Variants in RBFOX1 observed in about 807,000 individuals in gnomAD.
The protein encoded by RBFOX1 is RNA binding fox-1 homolog 1.
In RBFOX1, 8 loss-of-function variants were observed where a neutral mutation model predicts 57.7. That is an observed-to-expected ratio of 0.14 (90% confidence interval 0.08 to 0.25). The LOEUF (loss-of-function observed/expected upper bound fraction) is 0.25, where lower values mean the gene tolerates loss of function less well. RBFOX1 is among the 10% of genes least tolerant of loss of function. The pLI, the probability that RBFOX1 is intolerant of heterozygous loss-of-function variation, is 1.00. For synonymous variants in RBFOX1, 326 were observed against 222.4 expected (o/e 1.47, Z -4.15); for missense variants, 611 against 548.5 (o/e 1.11, Z -1.14).
intron 4 of RBFOX1, among the ~76,000 whole-genome samples, chr16:5,888,350 A>C (rs1036728524): frequency 4.6e-5 from 7 of 151,958 alleles, no homozygotes; most frequent in African/African-American, 1.7e-4. Context: ...TTTCTTAATG[A>C]CTTATCACAA....
At chr16:6,425,973 G>C (rs977898159) in intron 2 of RBFOX1, among the ~76,000 whole-genome samples, 1 of 151,912 alleles carries the variant, frequency 6.6e-6, no homozygotes, top group Non-Finnish European at 1.5e-5. Flanking sequence ...CCAGCCCCTG[G>C]CTACCACTAG....
At chr16:7,405,574 A>T (rs1938818592) in intron 4 of RBFOX1, among the ~76,000 whole-genome samples, 2 of 152,126 alleles carry the variant, frequency 1.3e-5, no homozygotes, top group African/African-American at 4.8e-5. Context: ...CTCATGCCTC[A>T]CATTTCAAAT....
At chr16:6,898,168 A>T (rs1214205616) in intron 3 of RBFOX1, among the ~76,000 whole-genome samples, 3 of 152,184 alleles carry the variant, frequency 2.0e-5, no homozygotes, top group African/African-American at 7.2e-5. Context: ...TTGAGGTCGT[A>T]GCCAACGGCA....
chr16:6,577,131 A>T (rs2153966449), intron 2 of RBFOX1: 1 of 152,326 alleles, frequency 6.6e-6, no homozygotes, highest in South Asian at 2.1e-4. Flanking sequence ...GCTACATGTT[A>T]AAAACGGAGT....
chr16:7,128,818 C>CTTTTT (rs759893956), intron 4 of RBFOX1, among the ~76,000 whole-genome samples: 2 of 126,970 alleles, frequency 1.6e-5, no homozygotes, highest in African/African-American at 6.0e-5. Flanking sequence ...TTTCTTTTTA[C>CTTTTT]TTTTTTTTTT....
rs80065573 is a variant in RBFOX1, at chr16:6,691,621, G to A, written c.-16+36971G>A. 3.3e-5 allele frequency among the ~76,000 whole-genome samples: 5 copies of A among 152,150 alleles called. No individual in the cohort carries two copies. In the East Asian group the frequency reaches 9.6e-4, roughly 29 times the overall value. ...GGAAGAAAGAATGTGTGCCTCCACT[G>A]TTTAAGATGACCTTGGCTTACAAAC... On this transcript the variant is annotated intron_variant, in intron 3 of 15. Transcript: ENST00000550418.
chr16:7,077,390 T>C (rs771162753), intron 4 of RBFOX1, among the ~76,000 whole-genome samples: 1 of 152,168 alleles, frequency 6.6e-6, no homozygotes, highest in Non-Finnish European at 1.5e-5. Context: ...AAATGGGAAA[T>C]TCAGGTTAGT....
intron 4 of RBFOX1, among the ~76,000 whole-genome samples, chr16:7,315,254 A>T (rs191571306): frequency 6.6e-6 from 1 of 152,302 alleles, no homozygotes; most frequent in East Asian, 1.9e-4. Context: ...TATTTAGAAA[A>T]TTAGAATGAT....
At chr16:6,132,191 C>T (rs2152678497) in intron 1 of RBFOX1, among the ~76,000 whole-genome samples, 1 of 152,302 alleles carries the variant, frequency 6.6e-6, no homozygotes, top group South Asian at 2.1e-4. Flanking sequence ...TTTAAGATTT[C>T]ACGATCATGG....
chr16:6,690,260 A>G (rs1034747745), intron 3 of RBFOX1, among the ~76,000 whole-genome samples: 1 of 152,116 alleles, frequency 6.6e-6, no homozygotes, highest in Non-Finnish European at 1.5e-5. Context: ...ATTTTATCTT[A>G]TTGGAATACT....
chr16:7,697,962 G>C (rs1314386432), intron 14 of RBFOX1, among the ~76,000 whole-genome samples: 2 of 152,158 alleles, frequency 1.3e-5, no homozygotes, highest in Admixed American at 1.3e-4. Context: ...CCGTGTGCTG[G>C]GAGTACTGGT....
chr16:5,354,725 G>A (rs1293544833), intron 1 of RBFOX1, among the ~76,000 whole-genome samples: 4 of 152,182 alleles, frequency 2.6e-5, no homozygotes, highest in African/African-American at 9.7e-5. Flanking sequence ...CCTTCTGATA[G>A]GACAAACGTT....
chr16:5,754,222 G>A (rs917644385), intron 3 of RBFOX1, among the ~76,000 whole-genome samples: 21 of 152,172 alleles, frequency 1.4e-4, no homozygotes, highest in African/African-American at 4.6e-4. Flanking sequence ...ACTTCTCTAT[G>A]CCTCAAATGA....
At chr16:6,249,942 T>G (rs1485979773) in intron 1 of RBFOX1, among the ~76,000 whole-genome samples, 3 of 151,564 alleles carry the variant, frequency 2.0e-5, no homozygotes, top group Admixed American at 6.6e-5. Flanking sequence ...TACCCCACAA[T>G]AGGCCCACAT....
intron 3 of RBFOX1, among the ~76,000 whole-genome samples, chr16:6,841,162 T>C (rs1018673411): frequency 2.0e-5 from 3 of 152,188 alleles, no homozygotes; most frequent in African/African-American, 7.2e-5. Context: ...TATGGCATTT[T>C]GCTAGAAGCC....
chr16:5,636,607 A>C (rs1030468777), intron 3 of RBFOX1, among the ~76,000 whole-genome samples: 5 of 152,138 alleles, frequency 3.3e-5, no homozygotes, highest in African/African-American at 1.2e-4. Flanking sequence ...CTGGGCAGCT[A>C]CTGTGGCACA....
At chr16:5,972,480 G>T (rs971864657) in intron 4 of RBFOX1, among the ~76,000 whole-genome samples, 2 of 152,104 alleles carry the variant, frequency 1.3e-5, no homozygotes, top group African/African-American at 4.8e-5. Context: ...GTATTCCAGC[G>T]TCCTCTCTTA....
At chr16:6,335,383 G>C (rs767491222) in intron 2 of RBFOX1, among the ~76,000 whole-genome samples, 2 of 152,158 alleles carry the variant, frequency 1.3e-5, no homozygotes, top group African/African-American at 2.4e-5. Flanking sequence ...AGAGAGCCAG[G>C]AGAGGGAGGA....
At chr16:7,230,389 A>T (rs141349549) in intron 4 of RBFOX1, among the ~76,000 whole-genome samples, 1 of 152,158 alleles carries the variant, frequency 6.6e-6, no homozygotes, top group South Asian at 2.1e-4. Context: ...TTGGCTTAAC[A>T]TATCAGCTTC....
Sources: allele counts gnomAD v4.1 joint callset (sites outside exome capture counted in the v4.1 genomes callset), GRCh38; gene constraint gnomAD v4.1.1; transcripts MANE v1.5; gene names NCBI Gene and HGNC (gene_info 2026-07-23, HGNC 2026-07-21).